Variants in OLFML1 observed in about 807,000 individuals in gnomAD.
OLFML1 encodes the protein olfactomedin like 1.
Under a neutral mutation model 37.3 loss-of-function variants are expected in OLFML1, and 33 were observed. The ratio of observed to expected loss-of-function variants is 0.88; its 90% CI spans 0.67 to 1.18. The LOEUF is 1.18. OLFML1 is among the 50% of genes most tolerant of loss of function. The probability of loss-of-function intolerance (pLI) is 0.00; values close to 1 mark genes in which losing one functional copy is unlikely to be tolerated. For missense variants in OLFML1, 545 were observed against 483.7 expected (o/e 1.13, Z -1.19); for synonymous variants, 186 against 181.3 (o/e 1.03, Z -0.21).
chr11:7,492,389 T>G (rs1228435897), intron 2 of OLFML1, among the ~76,000 whole-genome samples: 2 of 152,214 alleles, frequency 1.3e-5, no homozygotes, highest in Non-Finnish European at 2.9e-5. Context: ...TTCATTCATA[T>G]GTACGCATTG....
chr11:7,486,801 C>G (rs1848529086), intron 1 of OLFML1, among the ~76,000 whole-genome samples: 1 of 152,206 alleles, frequency 6.6e-6, no homozygotes, highest in African/African-American at 2.4e-5. Flanking sequence ...TTATTTTATA[C>G]ATTTTCCTGA....
At chr11:7,506,668 C>G (rs1399219875) in intron 2 of OLFML1, among the ~76,000 whole-genome samples, 1 of 152,202 alleles carries the variant, frequency 6.6e-6, no homozygotes, top group East Asian at 1.9e-4. Flanking sequence ...CCTCCATCAA[C>G]ACTCAACTCC....
chr11:7,507,982 C>T (rs1311540304), intron 2 of OLFML1, among the ~76,000 whole-genome samples: 1 of 152,128 alleles, frequency 6.6e-6, no homozygotes, highest in Non-Finnish European at 1.5e-5. Context: ...CAAATCCAGA[C>T]AAAGAGAAAG....
At chr11:7,488,722 T>C (rs1848559226) in intron 2 of OLFML1, 1 of 182,426 alleles carries the variant, frequency 5.5e-6, no homozygotes, top group Non-Finnish European at 1.1e-5. Flanking sequence ...AGATGTGTGG[T>C]CCCAGATTTT....
rs1217141884 is a variant in OLFML1, at chr11:7,510,912, G to A, written c.*724G>A. The A allele has an allele frequency of 2.6e-5, 4 of 152,150 alleles. No homozygotes were observed. Among genetic ancestry groups the A allele is most frequent in the South Asian group, 2.1e-4 (1 of 4,834 alleles). The allele number at this position is 152,150 out of a possible 1,614,324, so 9.4% of individuals were successfully genotyped here. ...GTGAAAATATTAACATTTGAATATC[G>A]CTTTCCAGGTGTGGAGTGTTTGCAC... On this transcript the variant is annotated 3_prime_UTR_variant, in exon 3 of 3. Transcript: ENST00000329293.
At chr11:7,488,536 G>C in intron 2 of OLFML1, 121 bp downstream of exon 2, 1 of 755,018 alleles carries the variant, frequency 1.3e-6, no homozygotes, top group Non-Finnish European at 2.1e-6. Flanking sequence ...GTGTGCTTTT[G>C]TGTGCATTGC....
chr11:7,489,669 C>T (rs536752533), intron 2 of OLFML1, among the ~76,000 whole-genome samples: 2 of 152,260 alleles, frequency 1.3e-5, no homozygotes, highest in East Asian at 3.9e-4. Flanking sequence ...CATTAAGTGT[C>T]ATGGGACAGA....
At chr11:7,490,905 TCTC>T (rs1848587747) in intron 2 of OLFML1, among the ~76,000 whole-genome samples, 1 of 151,920 alleles carries the variant, frequency 6.6e-6, no homozygotes, top group Non-Finnish European at 1.5e-5. Context: ...AGATCATAAT[TCTC>T]CTCTGTGTAG....
chr11:7,498,812 AT>A (rs35092062), intron 2 of OLFML1, among the ~76,000 whole-genome samples: 6 of 152,068 alleles, frequency 3.9e-5, no homozygotes, highest in Non-Finnish European at 8.8e-5. Context: ...CTATCACCCC[AT>A]TTTTGAGTCT....
chr11:7,494,255 G>C (rs1336957793), intron 2 of OLFML1, among the ~76,000 whole-genome samples: 1 of 152,368 alleles, frequency 6.6e-6, no homozygotes, highest in East Asian at 1.9e-4. Flanking sequence ...GAGAGGTGAT[G>C]AAAGAACCAG....
rs1310443604 is a variant in OLFML1 at position 7,488,272 on chromosome 11, T to G, written c.275T>G (p.Val92Gly). ...KSAVGNLALRVERAQREIDYI... is the reference protein window; with the variant it reads ...KSAVGNLALRGERAQREIDYI... Reference sequence around the variant, plus strand: ...GCAGTGGGTAACTTGGCACTGAGAGTTGAACGTGCCCAACGGGAGATTGAC... The same window carrying G: ...GCAGTGGGTAACTTGGCACTGAGAGGTGAACGTGCCCAACGGGAGATTGAC... Residue 92 changes from valine to glycine, a missense_variant, in exon 2 of 3, where the codon GTT (valine) becomes GGT (glycine). Physicochemically the swap from Val to Gly is moderately radical, Grantham distance 109. Transcript: ENST00000329293. 6.8e-6 allele frequency: 11 copies of G among 1,613,768 alleles called. No individual in the cohort carries two copies. The highest frequency in any genetic ancestry group is 9.3e-6 in the Non-Finnish European group (11 of 1,179,920).
chr11:7,487,357 G>A (rs1352084013), intron 1 of OLFML1, among the ~76,000 whole-genome samples: 1 of 152,170 alleles, frequency 6.6e-6, no homozygotes, highest in African/African-American at 2.4e-5. Flanking sequence ...GAATTATTTT[G>A]GGTCTCTCTT....
At chr11:7,489,361 A>C (rs1171943957) in intron 2 of OLFML1, among the ~76,000 whole-genome samples, 1 of 152,206 alleles carries the variant, frequency 6.6e-6, no homozygotes, top group Non-Finnish European at 1.5e-5. Context: ...GTCAGGGCAC[A>C]ATATACCAAA....
chr11:7,509,945 C>T lies in OLFML1; in HGVS notation c.966C>T (p.Leu322=), dbSNP rs1848838896. The T allele has an allele frequency of 6.2e-7, 1 of 1,614,258 alleles. No homozygotes were observed. The highest frequency in any genetic ancestry group is 1.3e-5 in the African/African-American group (1 of 75,074). Residue 322 remains leucine, a synonymous_variant, in exon 3 of 3, where the codon CTC becomes CTT. Coordinates refer to ENST00000329293, the MANE Select transcript of OLFML1 (RefSeq NM_198474.4). ...CRSQDAEASF[L]LCGVLYVVYS... ...GCCAGGATGCTGAAGCCTCATTCCT[C>T]TTGTGTGGGGTTCTCTATGTGGTCT...
chr11:7,489,208 TA>T (rs1848566644), intron 2 of OLFML1, among the ~76,000 whole-genome samples: 1 of 152,222 alleles, frequency 6.6e-6, no homozygotes, highest in Non-Finnish European at 1.5e-5. Context: ...ATCATTGTGC[TA>T]AAAGTTTCAC....
chr11:7,508,622 A>G (rs1848813031), intron 2 of OLFML1, among the ~76,000 whole-genome samples: 2 of 152,190 alleles, frequency 1.3e-5, no homozygotes, highest in South Asian at 4.1e-4. Context: ...AGCTCATAAT[A>G]CTTCGCTCAT....
chr11:7,492,241 C>T (rs1848607518), intron 2 of OLFML1, among the ~76,000 whole-genome samples: 1 of 152,186 alleles, frequency 6.6e-6, no homozygotes. Context: ...TTCCTGTCTT[C>T]CAACCATGGC....
chr11:7,486,166 G>A lies in OLFML1; in HGVS notation c.129+162G>A, dbSNP rs542973412. Reference sequence around the variant, plus strand: ...GCTCATAGTCTGGCAGTTTAGAGCCGAACTCCAGAGTCCAGTGTGCTACTT... The same window carrying A: ...GCTCATAGTCTGGCAGTTTAGAGCCAAACTCCAGAGTCCAGTGTGCTACTT... On this transcript the variant is annotated intron_variant, in intron 1 of 2. Transcript: ENST00000329293. 3.9e-5 allele frequency among the ~76,000 whole-genome samples: 6 copies of A among 152,316 alleles called. No individual in the cohort carries two copies. In the East Asian group the frequency reaches 9.6e-4, roughly 24 times the overall value.
rs777960411 is a variant in OLFML1, at chr11:7,485,525, A to G, written c.-351A>G. ...GAAGCCATCTTCACCCCCCACCCCA[A>G]TGCACACACAATTAAGCCAGGAAGC... On this transcript the variant is annotated 5_prime_UTR_variant, in exon 1 of 3. An upstream start codon of the reference 5' UTR is lost. Coordinates refer to ENST00000329293, the MANE Select transcript of OLFML1 (RefSeq NM_198474.4). The G allele has an allele frequency of 1.4e-5, 3 of 206,994 alleles. No individual in the cohort carries two copies. Among genetic ancestry groups the G allele is most frequent in the Admixed American group, 5.4e-5 (1 of 18,490 alleles). 12.8% of individuals were successfully genotyped at this position (206,994 alleles called of 1,614,324 possible).
Sources: gnomAD v4.1 joint callset for allele counts (sites outside exome capture counted in the v4.1 genomes callset) on GRCh38, gnomAD v4.1.1 for gene constraint, MANE v1.5 for transcripts, NCBI Gene and HGNC (gene_info 2026-07-23, HGNC 2026-07-21) for gene names.